ANK3: variants seen among roughly 807,000 people sequenced by gnomAD.
ANK3 encodes ankyrin 3, also known as ankyrin-3.
A neutral mutation model predicts 370.9 loss-of-function variants in ANK3; 57 were observed. The observed-to-expected ratio is 0.15, with a 90% CI of 0.12 to 0.19. The LOEUF (loss-of-function observed/expected upper bound fraction) is 0.19. Among genes scored for constraint, ANK3 ranks in the 10% least tolerant of loss-of-function variants. ANK3 has a pLI of 1.00. For synonymous variants in ANK3, 1,929 were observed against 1,946.3 expected (o/e 0.99, Z 0.23); for missense variants, 4,439 against 5,302.1 (o/e 0.84, Z 5.06).
At chr10:60,056,172 A>C (rs2079120150) in intron 41 of ANK3, 136 bp from the exon 42 acceptor site, 2 of 1,124,232 alleles carry the variant, frequency 1.8e-6, no homozygotes, top group African/African-American at 3.2e-5. Context: ...AAGTGTGGCC[A>C]CTGGATTTAA....
chr10:60,381,465 G>A (rs1375027393), intron 1 of ANK3, among the ~76,000 whole-genome samples: 2 of 152,196 alleles, frequency 1.3e-5, no homozygotes, highest in African/African-American at 4.8e-5. Flanking sequence ...GCTGTGGAAA[G>A]TTTGCAAAGA....
intron 1 of ANK3, among the ~76,000 whole-genome samples, chr10:60,727,527 C>T (rs548183554): frequency 1.3e-5 from 2 of 152,244 alleles, no homozygotes; most frequent in Admixed American, 6.5e-5. Flanking sequence ...AAATTGTACA[C>T]TTAAATGTAG....
chr10:60,721,075 T>C lies in ANK3; in HGVS notation c.57+12188A>G, dbSNP rs78906971. Among the ~76,000 whole-genome samples, 808 of 152,274 alleles carry C rather than the reference T, an allele frequency of 5.3e-3. 9 individuals are homozygous for C. The highest frequency in any genetic ancestry group is 0.018 in the African/African-American group (760 of 41,528). On this transcript the variant is annotated intron_variant, in intron 1 of 43. Coordinates refer to the ANK3 transcript ENST00000373827. The stretch of plus-strand genomic sequence containing the variant: ...TATAAAAATATCCAATTAGTAAAAA[T>C]ACCCTCTAGAAGTCCATTGTCCAGT...
intron 2 of ANK3, among the ~76,000 whole-genome samples, chr10:60,587,007 T>A (rs1057361508): frequency 6.6e-6 from 1 of 152,148 alleles, no homozygotes; most frequent in Non-Finnish European, 1.5e-5. Context: ...GGGTAATTTA[T>A]AAAGGAAAGA....
intron 23 of ANK3, chr10:60,140,721 C>A: frequency 8.5e-7 from 1 of 1,176,172 alleles, no homozygotes; most frequent in Non-Finnish European, 1.1e-6. Context: ...TCTAGCAGGA[C>A]AGAATGGTGA....
chr10:60,275,261 T>C (rs747480340), intron 4 of ANK3, among the ~76,000 whole-genome samples: 5 of 152,232 alleles, frequency 3.3e-5, no homozygotes, highest in Non-Finnish European at 7.3e-5. Flanking sequence ...TTTTATCCAA[T>C]ATATTCAATA....
chr10:60,400,463 C>T (rs937983637), intron 2 of ANK3, among the ~76,000 whole-genome samples: 1 of 152,038 alleles, frequency 6.6e-6, no homozygotes, highest in Non-Finnish European at 1.5e-5. Context: ...TGAGTATTAA[C>T]AGCAGAAACA....
intron 6 of ANK3, 70 bp downstream of exon 6, chr10:60,263,765 G>T: frequency 6.4e-7 from 1 of 1,564,898 alleles, no homozygotes. Flanking sequence ...GAGGGAGACC[G>T]GGTGCTCTTA....
chr10:60,551,291 A>C (rs1408944773), intron 2 of ANK3, among the ~76,000 whole-genome samples: 3 of 152,170 alleles, frequency 2.0e-5, no homozygotes, highest in African/African-American at 7.2e-5. Flanking sequence ...AATCAGATTG[A>C]AAATAGTAGA....
At chr10:60,238,033 C>T (rs547939126) in intron 7 of ANK3, among the ~76,000 whole-genome samples, 26 of 152,284 alleles carry the variant, frequency 1.7e-4, no homozygotes, top group African/African-American at 6.3e-4. Flanking sequence ...AGCTTCTCAT[C>T]TCTGTCAAAT....
chr10:60,057,845 C>T (rs1260831308), intron 41 of ANK3, among the ~76,000 whole-genome samples: 2 of 152,114 alleles, frequency 1.3e-5, no homozygotes, highest in African/African-American at 2.4e-5. Context: ...AAAATTAGTA[C>T]TGTTTGTCTT....
chr10:60,566,161 A>T lies in ANK3; in HGVS notation c.96+49025T>A, dbSNP rs115031690. Among the ~76,000 whole-genome samples, 339 of 152,334 alleles carry T rather than the reference A, an allele frequency of 2.2e-3. 3 individuals are homozygous for T. The highest frequency in any genetic ancestry group is 7.6e-3 in the African/African-American group (317 of 41,584). ...ACTGTTTTGGGTAGCCACAAACCACATCCATATAAGATGGAAACCTTAATT... is the reference window on the plus strand; with the variant it reads ...ACTGTTTTGGGTAGCCACAAACCACTTCCATATAAGATGGAAACCTTAATT... On this transcript the variant is annotated intron_variant, in intron 2 of 43. Coordinates refer to the ANK3 transcript ENST00000373827.
chr10:60,667,088 T>C (rs1193088242), intron 1 of ANK3, among the ~76,000 whole-genome samples: 3 of 151,642 alleles, frequency 2.0e-5, no homozygotes, highest in Non-Finnish European at 4.4e-5. Context: ...AATTTAATTA[T>C]GCATTCTGTA....
chr10:60,330,864 C>A (rs2051073831), intron 1 of ANK3, among the ~76,000 whole-genome samples: 2 of 152,170 alleles, frequency 1.3e-5, no homozygotes, highest in Non-Finnish European at 2.9e-5. Context: ...TTGGAACCAA[C>A]CCAAATGCCC....
intron 1 of ANK3, among the ~76,000 whole-genome samples, chr10:60,643,502 A>ATCTATCTG (rs2078664581): frequency 1.9e-5 from 1 of 53,510 alleles, no homozygotes; most frequent in Non-Finnish European, 4.2e-5. Flanking sequence ...TCCCCTTTAT[A>ATCTATCTG]TCTATCTATC....
At chr10:60,534,197 C>G (rs1437339554) in intron 2 of ANK3, among the ~76,000 whole-genome samples, 1 of 152,142 alleles carries the variant, frequency 6.6e-6, no homozygotes, top group African/African-American at 2.4e-5. Flanking sequence ...ACGGATCCCT[C>G]TAGCACATAA....
intron 28 of ANK3, among the ~76,000 whole-genome samples, chr10:60,094,891 A>G (rs1256600445): frequency 6.6e-6 from 1 of 152,238 alleles, no homozygotes; most frequent in Non-Finnish European, 1.5e-5. Flanking sequence ...AACACATTCA[A>G]CTCAAACCTG....
chr10:60,471,695 C>T (rs1045568188), intron 2 of ANK3, among the ~76,000 whole-genome samples: 2 of 152,052 alleles, frequency 1.3e-5, no homozygotes, highest in African/African-American at 4.8e-5. Context: ...CATTTTAAAA[C>T]CCCCATCATT....
chr10:60,077,206 A>G (rs992171201), intron 36 of ANK3, among the ~76,000 whole-genome samples: 1 of 152,212 alleles, frequency 6.6e-6, no homozygotes, highest in African/African-American at 2.4e-5. Flanking sequence ...CAAAAAAAAC[A>G]AAGAAAAGGA....
Sources: gnomAD v4.1 joint callset for allele counts (sites outside exome capture counted in the v4.1 genomes callset) on GRCh38, gnomAD v4.1.1 for gene constraint, MANE v1.5 for transcripts, NCBI Gene and HGNC (gene_info 2026-07-23, HGNC 2026-07-21) for gene names.